The following ZNRF1 variants were observed in gnomAD, a reference collection of about 807,000 sequenced individuals.
The protein encoded by ZNRF1 is E3 ubiquitin-protein ligase ZNRF1.
ZNRF1 carries 3 observed loss-of-function variants against 18.4 expected under a neutral mutation model. That is an observed-to-expected ratio of 0.16 (90% CI 0.07 to 0.42). The LOEUF (loss-of-function observed/expected upper bound fraction) is 0.42. Among genes scored for constraint, ZNRF1 ranks in the 10% least tolerant of loss-of-function variants. The probability of loss-of-function intolerance (pLI) is 0.99; values close to 1 mark genes in which losing one functional copy is unlikely to be tolerated. For synonymous variants in ZNRF1, 157 were observed against 144.2 expected (o/e 1.09, Z -0.64); for missense variants, 310 against 329.8 (o/e 0.94, Z 0.47).
intron 2 of ZNRF1, among the ~76,000 whole-genome samples, chr16:75,097,600 G>T (rs1238372196): frequency 6.6e-6 from 1 of 152,164 alleles, no homozygotes; most frequent in East Asian, 1.9e-4. Context: ...AACCGAGATT[G>T]CTTGAGCTCA....
intron 2 of ZNRF1, among the ~76,000 whole-genome samples, chr16:75,101,281 C>T (rs959428980): frequency 2.6e-5 from 4 of 152,182 alleles, no homozygotes; most frequent in African/African-American, 7.2e-5. Flanking sequence ...TATTGCTGGG[C>T]GCGGTGGCTC....
chr16:74,999,408 A>T lies in ZNRF1; in HGVS notation c.-264A>T, dbSNP rs1437254256. The T allele has an allele frequency of 3.2e-6, 1 of 308,154 alleles. No homozygotes were observed. Among genetic ancestry groups the T allele is most frequent in the Admixed American group, 5.1e-5 (1 of 19,694 alleles). The allele number at this position is 308,154 out of a possible 1,614,324, so 19.1% of individuals were successfully genotyped here. A position where few individuals can be genotyped will look rare whatever the true frequency, so the allele number is the denominator to read the frequency against. On this transcript the variant is annotated 5_prime_UTR_variant, in exon 1 of 5. Transcript: ENST00000335325. Reference sequence around the variant, plus strand: ...CTGTGGCGCGCGGAGCCCGCGCCGGACTGCGCCTCTTTGGACCTTGAGGGG... The same window carrying T: ...CTGTGGCGCGCGGAGCCCGCGCCGGTCTGCGCCTCTTTGGACCTTGAGGGG...
At chr16:75,059,229 C>CTTTTTTTTTTT (rs35291578) in intron 1 of ZNRF1, among the ~76,000 whole-genome samples, 374 of 92,928 alleles carry the variant, frequency 4.0e-3, no homozygotes, top group Non-Finnish European at 4.8e-3. Context: ...TTCTTTCTTT[C>CTTTTTTTTTTT]TTTTTTTTTT....
intron 1 of ZNRF1, among the ~76,000 whole-genome samples, chr16:75,028,957 C>T (rs1448083365): frequency 6.6e-6 from 1 of 152,132 alleles, no homozygotes; most frequent in Non-Finnish European, 1.5e-5. Context: ...TTGAAAGGCA[C>T]GAAGGCTTAG....
intron 1 of ZNRF1, among the ~76,000 whole-genome samples, chr16:75,006,807 A>G (rs1446836001): frequency 6.6e-6 from 1 of 152,170 alleles, no homozygotes; most frequent in Admixed American, 6.5e-5. Flanking sequence ...CTCATGGCCT[A>G]GTCTGAATCA....
At chr16:75,075,982 A>G (rs1167804475) in intron 1 of ZNRF1, among the ~76,000 whole-genome samples, 1 of 152,208 alleles carries the variant, frequency 6.6e-6, no homozygotes, top group Non-Finnish European at 1.5e-5. Flanking sequence ...AGAATAGCTT[A>G]CATATGTGGA....
At chr16:75,107,557 C>T in intron 4 of ZNRF1, 176 bp from the exon 5 acceptor site, 1 of 363,384 alleles carries the variant, frequency 2.8e-6, no homozygotes, top group South Asian at 2.0e-5. Flanking sequence ...GAGAGTGAGG[C>T]AGGGGAGTAG....
intron 1 of ZNRF1, among the ~76,000 whole-genome samples, chr16:75,056,038 A>C (rs1417826606): frequency 6.6e-6 from 1 of 152,212 alleles, no homozygotes; most frequent in African/African-American, 2.4e-5. Context: ...GTAATGGGGC[A>C]TATTTGCCTT....
At chr16:75,083,050 T>C (rs892465334) in intron 1 of ZNRF1, among the ~76,000 whole-genome samples, 1 of 152,236 alleles carries the variant, frequency 6.6e-6, no homozygotes, top group Admixed American at 6.5e-5. Flanking sequence ...AAAAAAATTG[T>C]TGGCAGCTTT....
intron 1 of ZNRF1, among the ~76,000 whole-genome samples, chr16:75,003,959 A>ATTTT (rs61398639): frequency 6.8e-6 from 1 of 146,114 alleles, no homozygotes. Flanking sequence ...ATCGCCTCAG[A>ATTTT]TTTTTTTTTT....
chr16:75,002,875 T>C (rs1303412500), intron 1 of ZNRF1, among the ~76,000 whole-genome samples: 1 of 152,214 alleles, frequency 6.6e-6, no homozygotes, highest in Non-Finnish European at 1.5e-5. Context: ...AATTTCTCTT[T>C]CTGATCCCTT....
chr16:74,999,826 G>C lies in ZNRF1; in HGVS notation c.155G>C (p.Ser52Thr). 4 of 1,461,448 alleles carry C rather than the reference G, an allele frequency of 2.7e-6. No homozygotes were observed. The highest frequency in any genetic ancestry group is 3.6e-6 in the Non-Finnish European group (4 of 1,110,934). 90.5% of individuals were successfully genotyped at this position (1,461,448 alleles called of 1,614,324 possible). A position where few individuals can be genotyped will look rare whatever the true frequency, so the allele number is the denominator to read the frequency against. The change falls in exon 1 of 5, where the codon AGC becomes ACC. Residue 52 changes from serine to threonine, a missense_variant. Transcript: ENST00000335325. The stretch of plus-strand genomic sequence containing the variant: ...ATGGGGCTGCGCAGCCGCTCGGTCA[G>C]CTCGGTGGCAGGCATGGGCATGGAC... ...GAMGLRSRSV[S>T]SVAGMGMDPS...
chr16:75,079,898 GTTTTTGT>G (rs995939976), intron 1 of ZNRF1, among the ~76,000 whole-genome samples: 20 of 152,086 alleles, frequency 1.3e-4, no homozygotes, highest in Admixed American at 1.0e-3. Flanking sequence ...AGTTGATGGT[GTTTTTGT>G]TTTTTGTTTT....
intron 1 of ZNRF1, among the ~76,000 whole-genome samples, chr16:75,040,144 A>G (rs2035425957): frequency 6.8e-6 from 1 of 146,532 alleles, no homozygotes; most frequent in South Asian, 2.1e-4. Context: ...TTCTAGGCTC[A>G]AGGGATCCTC....
intron 1 of ZNRF1, among the ~76,000 whole-genome samples, chr16:75,012,722 T>C (rs2035014858): frequency 6.6e-6 from 1 of 152,198 alleles, no homozygotes; most frequent in Admixed American, 6.5e-5. Context: ...TCAACTTCAT[T>C]ATTTACAGTT....
intron 1 of ZNRF1, among the ~76,000 whole-genome samples, chr16:75,058,287 G>A (rs540073327): frequency 1.6e-4 from 25 of 152,154 alleles, no homozygotes; most frequent in African/African-American, 5.3e-4. Context: ...GTGCGGGAGC[G>A]TTTAGATCTG....
intron 1 of ZNRF1, among the ~76,000 whole-genome samples, chr16:75,064,798 C>T (rs1472504282): frequency 1.3e-5 from 2 of 152,192 alleles, no homozygotes; most frequent in Non-Finnish European, 2.9e-5. Context: ...GGCCCTTCTT[C>T]TAATACTTGG....
At chr16:75,059,656 G>A (rs2035718424) in intron 1 of ZNRF1, among the ~76,000 whole-genome samples, 1 of 152,014 alleles carries the variant, frequency 6.6e-6, no homozygotes, top group Non-Finnish European at 1.5e-5. Context: ...TTTGTTCTCA[G>A]GTCTTATCTG....
chr16:75,067,874 T>C (rs1243236442), intron 1 of ZNRF1, among the ~76,000 whole-genome samples: 1 of 152,146 alleles, frequency 6.6e-6, no homozygotes, highest in East Asian at 1.9e-4. Context: ...TATCTACAAA[T>C]CTGAAATCCA....
Sources: gnomAD v4.1 joint callset for allele counts (sites outside exome capture counted in the v4.1 genomes callset) on GRCh38, gnomAD v4.1.1 for gene constraint, MANE v1.5 for transcripts, NCBI Gene and HGNC (gene_info 2026-07-23, HGNC 2026-07-21) for gene names.